The following TYW1 variants were observed in gnomAD, a reference collection of about 807,000 sequenced individuals.
The protein encoded by TYW1 is tRNA-yW synthesizing protein 1 homolog, also known as S-adenosyl-L-methionine-dependent tRNA 4-demethylwyosine synthase TYW1.
TYW1 carries 46 observed loss-of-function variants against 96.2 expected under a neutral mutation model. The observed-to-expected ratio is 0.48, with a 90% CI of 0.38 to 0.61. The LOEUF (loss-of-function observed/expected upper bound fraction) is 0.61, where lower values mean the gene tolerates loss of function less well. TYW1 is among the 20% of genes least tolerant of loss of function. The pLI, the probability that TYW1 is intolerant of heterozygous loss-of-function variation, is 0.00. For synonymous variants in TYW1, 274 were observed against 323.0 expected (o/e 0.85, Z 1.63); for missense variants, 684 against 909.6 (o/e 0.75, Z 3.19).
intron 13 of TYW1, among the ~76,000 whole-genome samples, chr7:67,178,470 AG>A (rs1225984947): frequency 1.3e-5 from 2 of 152,230 alleles, no homozygotes; most frequent in Non-Finnish European, 2.9e-5. Flanking sequence ...TTCCTTAAAC[AG>A]GCAAAACTAA....
Position 67,097,940 on chromosome 7 carries a change from A to G in TYW1, c.1385-601A>G, listed in dbSNP as rs147485742. 4.3e-3 allele frequency among the ~76,000 whole-genome samples: 645 copies of G among 151,150 alleles called. 4 individuals carry two copies. The highest frequency in any genetic ancestry group is 0.015 in the African/African-American group (618 of 41,068). On this transcript the variant is annotated intron_variant, in intron 11 of 15. Coordinates refer to ENST00000359626, the MANE Select transcript of TYW1 (RefSeq NM_018264.4). ...AGTTTTGAACTCCTTGGCTCAAGCA[A>G]TCCTCCTGCCTTGGCCTCCCAAAGT... is the stretch of plus-strand genomic sequence containing the variant.
chr7:67,205,353 C>T (rs1425849149), intron 15 of TYW1, among the ~76,000 whole-genome samples: 1 of 151,978 alleles, frequency 6.6e-6, no homozygotes, highest in African/African-American at 2.4e-5. Context: ...GACTGTTCCC[C>T]CCTTAGACTC....
At chr7:67,011,045 G>A (rs1453095084) in intron 4 of TYW1, among the ~76,000 whole-genome samples, 1 of 151,940 alleles carries the variant, frequency 6.6e-6, no homozygotes, top group African/African-American at 2.4e-5. Context: ...ATTAGTTAAT[G>A]TCTTTTTTTT....
chr7:67,079,171 G>GGTGTGTGTGTGTGTGT (rs55931505), intron 10 of TYW1, among the ~76,000 whole-genome samples: 1 of 148,796 alleles, frequency 6.7e-6, no homozygotes, highest in Non-Finnish European at 1.5e-5. Context: ...TCGTGTGAGA[G>GGTGTGTGTGTGTGTGT]GTGTGTGTGT....
chr7:67,048,359 G>C (rs1282522064), intron 7 of TYW1, among the ~76,000 whole-genome samples: 3 of 150,816 alleles, frequency 2.0e-5, no homozygotes, highest in African/African-American at 7.3e-5. Context: ...AGGGACCAAG[G>C]GTGGGCTGGG....
chr7:67,120,898 A>T (rs1031847003), intron 13 of TYW1, among the ~76,000 whole-genome samples: 3 of 152,240 alleles, frequency 2.0e-5, no homozygotes, highest in Admixed American at 2.0e-4. Flanking sequence ...GGAGCATCTT[A>T]AATAGAAGTC....
intron 9 of TYW1, among the ~76,000 whole-genome samples, chr7:67,060,210 G>A (rs991634283): frequency 5.9e-5 from 9 of 152,048 alleles, no homozygotes; most frequent in African/African-American, 2.2e-4. Context: ...GGAGTAGCTG[G>A]AATTACAGGC....
intron 14 of TYW1, among the ~76,000 whole-genome samples, chr7:67,184,682 T>A (rs1487649239): frequency 7.1e-6 from 1 of 140,186 alleles, no homozygotes; most frequent in Non-Finnish European, 1.5e-5. Flanking sequence ...TGTTATGTTA[T>A]GTTATGTTAT....
intron 13 of TYW1, among the ~76,000 whole-genome samples, chr7:67,139,529 C>T (rs540912057): frequency 1.3e-5 from 2 of 152,160 alleles, no homozygotes; most frequent in South Asian, 2.1e-4. Context: ...CCAGGACCCC[C>T]GTGGATACCA....
At chr7:67,194,557 G>A (rs1173142890) in intron 14 of TYW1, among the ~76,000 whole-genome samples, 1 of 152,144 alleles carries the variant, frequency 6.6e-6, no homozygotes, top group East Asian at 1.9e-4. Flanking sequence ...CCAGGAAGTG[G>A]AGGTTGTGGT....
At chr7:67,155,176 T>C (rs993081235) in intron 13 of TYW1, among the ~76,000 whole-genome samples, 2 of 152,216 alleles carry the variant, frequency 1.3e-5, no homozygotes, top group Non-Finnish European at 2.9e-5. Context: ...CGATTTTCCT[T>C]TGGAGGAGAT....
intron 7 of TYW1, among the ~76,000 whole-genome samples, chr7:67,041,529 A>T (rs986983085): frequency 7.2e-5 from 11 of 151,904 alleles, no homozygotes; most frequent in Non-Finnish European, 1.6e-4. Context: ...TGAACTCCTG[A>T]CCTCAGGTGA....
At chr7:67,208,142 A>G (rs1800872857) in intron 15 of TYW1, among the ~76,000 whole-genome samples, 2 of 151,956 alleles carry the variant, frequency 1.3e-5, no homozygotes, top group African/African-American at 2.4e-5. Flanking sequence ...AGCCTGGGCA[A>G]TGTAATGAAA....
At chr7:67,043,093 C>G (rs1481285594) in intron 7 of TYW1, among the ~76,000 whole-genome samples, 3 of 151,866 alleles carry the variant, frequency 2.0e-5, no homozygotes, top group Non-Finnish European at 2.9e-5. Context: ...CTATTATCAT[C>G]TGCAATTTAC....
chr7:67,095,712 AGCAG>A (rs1368944276), intron 11 of TYW1, among the ~76,000 whole-genome samples: 19,396 of 113,332 alleles, frequency 0.17, 1,393 homozygotes, highest in African/African-American at 0.25. Context: ...CAGCAGCAGC[AGCAG>A]CAGCCCCTAT....
At chr7:67,038,087 G>A (rs1794896342) in intron 7 of TYW1, among the ~76,000 whole-genome samples, 1 of 151,952 alleles carries the variant, frequency 6.6e-6, no homozygotes, top group Admixed American at 6.5e-5. Context: ...GATCACCTGA[G>A]GTCAGGAGTT....
At chr7:67,186,954 T>C (rs560062548) in intron 14 of TYW1, among the ~76,000 whole-genome samples, 1 of 152,254 alleles carries the variant, frequency 6.6e-6, no homozygotes, top group East Asian at 1.9e-4. Context: ...GAAATGAATG[T>C]TTTATTGAAA....
At chr7:67,102,346 C>A in intron 12 of TYW1, among the ~76,000 whole-genome samples, 1 of 152,176 alleles carries the variant, frequency 6.6e-6, no homozygotes, top group South Asian at 2.1e-4. Flanking sequence ...GCTGGTGAGT[C>A]TTCTCAGGCC....
intron 6 of TYW1, 69 bp downstream of exon 6, chr7:67,018,212 T>C: frequency 6.4e-7 from 1 of 1,553,964 alleles, no homozygotes; most frequent in South Asian, 1.2e-5. Context: ...CTTGACCTCT[T>C]TCTCAATAAA....
Sources: allele counts gnomAD v4.1 joint callset (sites outside exome capture counted in the v4.1 genomes callset), GRCh38; gene constraint gnomAD v4.1.1; transcripts MANE v1.5; gene names NCBI Gene and HGNC (gene_info 2026-07-23, HGNC 2026-07-21).